SUCLG2: variants seen among roughly 807,000 people sequenced by gnomAD.
SUCLG2 encodes succinate--CoA ligase [GDP-forming] subunit beta, mitochondrial.
Under a neutral mutation model 47.9 loss-of-function variants are expected in SUCLG2, and 42 were observed. The ratio of observed to expected loss-of-function variants is 0.88; its 90% CI spans 0.69 to 1.14. The LOEUF (loss-of-function observed/expected upper bound fraction) is 1.14, where lower values mean the gene tolerates loss of function less well. SUCLG2 is among the 50% of genes most tolerant of loss of function. SUCLG2 has a pLI of 0.00. For missense variants in SUCLG2, 571 were observed against 525.9 expected (o/e 1.09, Z -0.84); for synonymous variants, 195 against 197.3 (o/e 0.99, Z 0.10).
rs529533576 is a variant in SUCLG2 at position 67,548,882 on chromosome 3, C to T, written c.227-19696G>A. ...CAACAGGTATGAGACTATCCAAAGG[C>T]GTATAAAAAAGGAATCAGCTTCCCC... is the stretch of plus-strand genomic sequence containing the variant. On this transcript the variant is annotated intron_variant, in intron 2 of 10. Coordinates refer to ENST00000307227, the MANE Select transcript of SUCLG2 (RefSeq NM_003848.4). Among the ~76,000 whole-genome samples, 203 of 152,198 alleles carry T rather than the reference C, an allele frequency of 1.3e-3. 2 individuals carry two copies. The highest frequency in any genetic ancestry group is 3.4e-3 in the Middle Eastern group (1 of 294).
At position 67,654,520 on chromosome 3, in the gene SUCLG2, G is replaced by T; in HGVS notation, c.67C>A (p.Leu23Met). 8.0e-7 allele frequency: 1 copy of T among 1,249,078 alleles called. No homozygotes were observed. The allele number at this position is 1,249,078 out of a possible 1,614,324, so 77.4% of individuals were successfully genotyped here. ...ACGCTCACCTGGGACCCGGCCGCCA[G>T]GAAGCGGGGCCGCAGCGCTAGGGCT... ...LRALALRPRF[L>M]AAGSQAVQLT... Residue 23 changes from leucine to methionine, a missense_variant, in exon 1 of 11, where the codon CTG becomes ATG. Coordinates refer to ENST00000307227, the MANE Select transcript of SUCLG2 (RefSeq NM_003848.4).
intron 2 of SUCLG2, among the ~76,000 whole-genome samples, chr3:67,565,335 T>C (rs981827859): frequency 1.3e-5 from 2 of 152,230 alleles, no homozygotes; most frequent in Non-Finnish European, 2.9e-5. Flanking sequence ...TATAGTCTTC[T>C]TTTAAATCAA....
intron 2 of SUCLG2, among the ~76,000 whole-genome samples, chr3:67,546,068 T>C (rs923304618): frequency 3.9e-5 from 6 of 152,246 alleles, no homozygotes; most frequent in African/African-American, 1.4e-4. Flanking sequence ...TTCAAATCTC[T>C]TCTGGCACTT....
intron 9 of SUCLG2, among the ~76,000 whole-genome samples, chr3:67,444,303 A>G (rs1193000144): frequency 5.2e-4 from 23 of 43,972 alleles, no homozygotes; most frequent in African/African-American, 6.7e-4. Flanking sequence ...CAGCCCTCCC[A>G]CCCGGCCAGC....
intron 6 of SUCLG2, among the ~76,000 whole-genome samples, chr3:67,513,444 A>G (rs1334429885): frequency 6.6e-6 from 1 of 152,206 alleles, no homozygotes; most frequent in Non-Finnish European, 1.5e-5. Flanking sequence ...ACATAATCTG[A>G]TCTTGGAGAC....
At chr3:67,583,882 A>C (rs1198939016) in intron 2 of SUCLG2, among the ~76,000 whole-genome samples, 1 of 152,184 alleles carries the variant, frequency 6.6e-6, no homozygotes, top group Admixed American at 6.5e-5. Flanking sequence ...TTAAGGGCTT[A>C]TGTGATCATA....
At chr3:67,625,948 G>A (rs1281433763) in intron 1 of SUCLG2, among the ~76,000 whole-genome samples, 4 of 152,160 alleles carry the variant, frequency 2.6e-5, no homozygotes, top group East Asian at 3.9e-4. Flanking sequence ...CTAGATTGAA[G>A]TAGGATCCCA....
At chr3:67,444,031 T>C (rs372281696) in intron 9 of SUCLG2, among the ~76,000 whole-genome samples, 29,936 of 85,968 alleles carry the variant, frequency 0.35, 2,556 homozygotes, top group East Asian at 0.55. Context: ...GCCCCCCGCC[T>C]GGCCAGCCGC....
chr3:67,508,519 C>CT (rs1009352144), intron 7 of SUCLG2, among the ~76,000 whole-genome samples: 5 of 152,252 alleles, frequency 3.3e-5, no homozygotes, highest in Admixed American at 1.3e-4. Context: ...ATCCTCCCGC[C>CT]TTGTCCTCCC....
intron 6 of SUCLG2, among the ~76,000 whole-genome samples, chr3:67,509,237 C>T (rs1042474673): frequency 6.6e-6 from 1 of 152,156 alleles, no homozygotes; most frequent in African/African-American, 2.4e-5. Flanking sequence ...TACAAACAAG[C>T]TCCATTTAAG....
chr3:67,499,958 C>G (rs192683850), intron 7 of SUCLG2, among the ~76,000 whole-genome samples: 8 of 152,178 alleles, frequency 5.3e-5, no homozygotes, highest in African/African-American at 1.9e-4. Context: ...GTCTCGATCT[C>G]CTGACCTTGT....
intron 1 of SUCLG2, among the ~76,000 whole-genome samples, chr3:67,630,271 A>G (rs996898339): frequency 6.6e-6 from 1 of 152,216 alleles, no homozygotes; most frequent in Non-Finnish European, 1.5e-5. Context: ...AGAAATGTAA[A>G]GGCCTTAAGC....
intron 9 of SUCLG2, among the ~76,000 whole-genome samples, chr3:67,443,284 C>CTCCGGTATCTAAATAT: frequency 1.2e-4 from 11 of 90,948 alleles, no homozygotes; most frequent in South Asian, 4.1e-4. Context: ...AATTAGATCT[C>CTCCGGTATCTAAATAT]GGACCGCCGG....
At position 67,469,648 on chromosome 3, in the gene SUCLG2, GA is replaced by G. The variant is rs539531563; in HGVS notation, c.1062+26149del. Among the ~76,000 whole-genome samples the G allele has an allele frequency of 3.3e-3, 506 of 152,134 alleles. 4 individuals carry two copies. The highest frequency in any genetic ancestry group is 0.012 in the African/African-American group (479 of 41,486). ...GGAGGCTGAGGTGGGAAAATCACTT[GA>G]ACCCAGGAGGCGGAGGTTGCAGTGA... On this transcript the variant is annotated intron_variant, in intron 9 of 10. Transcript: ENST00000307227.
intron 2 of SUCLG2, among the ~76,000 whole-genome samples, chr3:67,529,948 C>G (rs562776233): frequency 2.6e-5 from 4 of 152,288 alleles, no homozygotes; most frequent in East Asian, 1.9e-4. Context: ...CTTTAGCAAA[C>G]AGGGTAGCTC....
intron 2 of SUCLG2, among the ~76,000 whole-genome samples, chr3:67,544,146 A>G (rs2107180658): frequency 6.6e-6 from 1 of 152,374 alleles, no homozygotes; most frequent in East Asian, 1.9e-4. Context: ...TGGAAGAAAT[A>G]GACACAAACA....
At chr3:67,408,704 G>A (rs1025071663) in intron 9 of SUCLG2, 2 of 1,217,498 alleles carry the variant, frequency 1.6e-6, no homozygotes, top group Admixed American at 4.0e-5. Flanking sequence ...CTCCTTGGTA[G>A]AATAAGCAAA....
intron 10 of SUCLG2, chr3:67,376,330 T>A: frequency 3.0e-6 from 3 of 985,374 alleles, no homozygotes; most frequent in Middle Eastern, 5.2e-4. Flanking sequence ...CTCCTCACTC[T>A]ATAAAATGAA....
chr3:67,440,106 ACCTG>A (rs771852694), intron 9 of SUCLG2, among the ~76,000 whole-genome samples: 29 of 152,218 alleles, frequency 1.9e-4, no homozygotes, highest in Admixed American at 1.3e-3. Context: ...TCTTTGACAA[ACCTG>A]ACAAAAACAA....
Sources: allele counts gnomAD v4.1 joint callset (sites outside exome capture counted in the v4.1 genomes callset), GRCh38; gene constraint gnomAD v4.1.1; transcripts MANE v1.5; gene names NCBI Gene and HGNC (gene_info 2026-07-23, HGNC 2026-07-21).